INTS14: variants seen among roughly 807,000 people sequenced by gnomAD.
The protein encoded by INTS14 is integrator complex subunit 14, also known as UPF0464 protein C15orf44.
Under a neutral mutation model 56.9 loss-of-function variants are expected in INTS14, and 27 were observed. The ratio of observed to expected loss-of-function variants is 0.47; its 90% CI spans 0.35 to 0.65. The LOEUF (loss-of-function observed/expected upper bound fraction) is 0.65, where lower values mean the gene tolerates loss of function less well. INTS14 is among the 30% of genes least tolerant of loss of function. The probability of loss-of-function intolerance (pLI) is 0.00; values close to 1 mark genes in which losing one functional copy is unlikely to be tolerated. For synonymous variants in INTS14, 207 were observed against 236.2 expected (o/e 0.88, Z 1.13); for missense variants, 517 against 632.2 (o/e 0.82, Z 1.95).
Position 65,596,792 on chromosome 15 carries a change from G to A in INTS14, c.749-967C>T, listed in dbSNP as rs192225931. Among the ~76,000 whole-genome samples, 388 of 152,162 alleles carry A rather than the reference G, an allele frequency of 2.5e-3. 2 individuals carry two copies. The Middle Eastern group carries it at 0.034, about 13-fold the overall frequency. ...TCCATGTTGGTCAGGCTGGTCTCCC[G>A]ACCTCAGGTGATCCGCCCGCCTTGG... is the stretch of plus-strand genomic sequence containing the variant. On this transcript the variant is annotated intron_variant, in intron 6 of 11. Coordinates refer to ENST00000313182, the MANE Select transcript of INTS14 (RefSeq NM_001394796.1).
At chr15:65,599,357 C>A in intron 4 of INTS14, 1 of 189,826 alleles carries the variant, frequency 5.3e-6, no homozygotes, top group Non-Finnish European at 1.1e-5. Context: ...AAATCACCTT[C>A]CCAAATGAAT....
intron 9 of INTS14, among the ~76,000 whole-genome samples, chr15:65,590,200 T>C (rs1426840601): frequency 1.3e-5 from 2 of 151,952 alleles, no homozygotes; most frequent in African/African-American, 4.8e-5. Flanking sequence ...CCACAGGTCC[T>C]TGCCTTTTCA....
At chr15:65,597,821 T>C (rs1486455935) in intron 6 of INTS14, among the ~76,000 whole-genome samples, 8 of 152,228 alleles carry the variant, frequency 5.3e-5, no homozygotes. Flanking sequence ...TGAATACGGC[T>C]ATGATTTCCA....
At chr15:65,594,824 G>A (rs991914871) in intron 7 of INTS14, among the ~76,000 whole-genome samples, 12 of 152,066 alleles carry the variant, frequency 7.9e-5, no homozygotes, top group Middle Eastern at 3.2e-3. Flanking sequence ...GGGAAATCTG[G>A]CTGTTCTCTG....
intron 8 of INTS14, among the ~76,000 whole-genome samples, 179 bp from the exon 9 acceptor site, chr15:65,591,910 T>C (rs1020986755): frequency 9.2e-5 from 14 of 152,216 alleles, no homozygotes; most frequent in Non-Finnish European, 1.2e-4. Context: ...CCCTAATATT[T>C]CCATTCTTCT....
chr15:65,580,208 C>G (rs770782512), intron 11 of INTS14, among the ~76,000 whole-genome samples: 32 of 152,022 alleles, frequency 2.1e-4, no homozygotes, highest in Admixed American at 1.0e-3. Flanking sequence ...GTGGTCTGGG[C>G]AAGTTATATA....
chr15:65,595,018 G>T (rs185846077), intron 7 of INTS14, among the ~76,000 whole-genome samples: 1 of 152,276 alleles, frequency 6.6e-6, no homozygotes, highest in East Asian at 1.9e-4. Context: ...AGTTCTTAGA[G>T]AAAGCTGATA....
intron 3 of INTS14, 89 bp from the exon 4 acceptor site, chr15:65,600,018 G>T: frequency 7.1e-7 from 1 of 1,406,546 alleles, no homozygotes; most frequent in South Asian, 1.4e-5. Context: ...GCTAGAAAGG[G>T]GCACCAGGGC....
chr15:65,584,915 GA>G, intron 9 of INTS14, 27 bp from the exon 10 acceptor site: 1 of 1,581,288 alleles, frequency 6.3e-7, no homozygotes, highest in Non-Finnish European at 8.6e-7. Flanking sequence ...TTCTTGAAAT[GA>G]CATCTGGTAA....
At chr15:65,598,785 G>C in intron 5 of INTS14, 87 bp downstream of exon 5, 1 of 1,075,872 alleles carries the variant, frequency 9.3e-7, no homozygotes, top group Non-Finnish European at 1.4e-6. Flanking sequence ...GACACAATTA[G>C]GAACAGTAAA....
chr15:65,588,871 C>G (rs765396257), intron 9 of INTS14, among the ~76,000 whole-genome samples: 22 of 152,136 alleles, frequency 1.4e-4, no homozygotes, highest in Non-Finnish European at 2.9e-4. Flanking sequence ...TCCAAGACTG[C>G]TGTGAGAGTT....
intron 1 of INTS14, among the ~76,000 whole-genome samples, chr15:65,609,786 C>T (rs1172795228): frequency 1.3e-5 from 2 of 152,082 alleles, no homozygotes; most frequent in Non-Finnish European, 2.9e-5. Flanking sequence ...GCCCTCACCT[C>T]TTAGGAGAAT....
At chr15:65,594,798 AG>A (rs2073156206) in intron 7 of INTS14, among the ~76,000 whole-genome samples, 1 of 152,162 alleles carries the variant, frequency 6.6e-6, no homozygotes, top group Admixed American at 6.6e-5. Context: ...AGAATTCCCC[AG>A]GGCCTTAGAA....
At chr15:65,585,522 C>T (rs2072786955) in intron 9 of INTS14, among the ~76,000 whole-genome samples, 1 of 152,138 alleles carries the variant, frequency 6.6e-6, no homozygotes, top group Non-Finnish European at 1.5e-5. Context: ...AAGCATACCC[C>T]AATATGGCTT....
intron 10 of INTS14, among the ~76,000 whole-genome samples, chr15:65,584,057 A>G (rs2072729096): frequency 6.6e-6 from 1 of 152,256 alleles, no homozygotes; most frequent in Non-Finnish European, 1.5e-5. Flanking sequence ...AAAAGTTTCA[A>G]TAAGTGATTT....
intron 3 of INTS14, among the ~76,000 whole-genome samples, chr15:65,600,782 C>T (rs2073405433): frequency 6.6e-6 from 1 of 152,020 alleles, no homozygotes; most frequent in Admixed American, 6.6e-5. Flanking sequence ...ATACATTTGT[C>T]AAAACTCAGT....
intron 6 of INTS14, among the ~76,000 whole-genome samples, chr15:65,597,731 C>T (rs147352367): frequency 3.3e-5 from 5 of 152,220 alleles, no homozygotes; most frequent in African/African-American, 1.2e-4. Context: ...AGAAGCTAGC[C>T]CTTCTTATAT....
chr15:65,586,001 A>C (rs2141257131), intron 9 of INTS14, among the ~76,000 whole-genome samples: 1 of 152,266 alleles, frequency 6.6e-6, no homozygotes, highest in Non-Finnish European at 1.5e-5. Flanking sequence ...CCTTTCCCAC[A>C]CAACAGTTCA....
intron 1 of INTS14, among the ~76,000 whole-genome samples, chr15:65,609,209 T>C (rs1438215435): frequency 6.6e-6 from 1 of 152,136 alleles, no homozygotes; most frequent in African/African-American, 2.4e-5. Context: ...TGCCTCTGCC[T>C]CCCAAAGTGC....
Sources: gnomAD v4.1 joint callset for allele counts (sites outside exome capture counted in the v4.1 genomes callset) on GRCh38, gnomAD v4.1.1 for gene constraint, MANE v1.5 for transcripts, NCBI Gene and HGNC (gene_info 2026-07-23, HGNC 2026-07-21) for gene names.